ADGRG4: variants seen among roughly 807,000 people sequenced by gnomAD.
ADGRG4 encodes adhesion G protein-coupled receptor G4.
ADGRG4 carries 122 observed loss-of-function variants against 126.2 expected under a neutral mutation model. The observed-to-expected ratio is 0.97, with a 90% CI of 0.83 to 1.12. The LOEUF is 1.12. Ranked by LOEUF, ADGRG4 falls within the 50% of genes most tolerant of loss-of-function variation. The pLI, the probability that ADGRG4 is intolerant of heterozygous loss-of-function variation, is 0.00. For missense variants in ADGRG4, 2,481 were observed against 2,251.8 expected (o/e 1.10, Z -2.06); for synonymous variants, 943 against 838.7 (o/e 1.12, Z -2.15).
intron 10 of ADGRG4, among the ~76,000 whole-genome samples, chrX:136,359,024 C>A (rs186189347): frequency 8.9e-6 from 1 of 112,526 alleles, no homozygotes; most frequent in Non-Finnish European, 1.9e-5. Flanking sequence ...AATCTCAAGG[C>A]TAGCAATTTC....
intron 5 of ADGRG4, among the ~76,000 whole-genome samples, chrX:136,324,705 A>G (rs990176476): frequency 1.8e-5 from 2 of 111,860 alleles, no homozygotes; most frequent in African/African-American, 3.2e-5. Context: ...GAGTTTTTCA[A>G]TCTGGCTCTT....
rs770127643 is a variant in ADGRG4 at position 136,346,654 on chromosome X, C to G, written c.2948C>G (p.Thr983Arg). 11 of 1,210,717 alleles carry G rather than the reference C, an allele frequency of 9.1e-6. No homozygotes were observed. The highest frequency in any genetic ancestry group is 1.2e-5 in the Non-Finnish European group (11 of 894,727). The part of the protein sequence containing the change: ...ISETSFSTTP[T>R]DRTATSLSDG... Reference sequence around the variant, plus strand: ...GAAACCAGTTTCTCCACTACCCCTACAGACAGGACAGCTACGTCCTTGTCT... The same window carrying G: ...GAAACCAGTTTCTCCACTACCCCTAGAGACAGGACAGCTACGTCCTTGTCT... The change falls in exon 6 of 26, where the codon ACA becomes AGA. Residue 983 changes from threonine (T) to arginine (R), a missense_variant. Transcript: ENST00000394143.
At chrX:136,343,605 A>C (rs1183344938) in intron 5 of ADGRG4, among the ~76,000 whole-genome samples, 3 of 111,451 alleles carry the variant, frequency 2.7e-5, no homozygotes, top group Admixed American at 1.9e-4. Flanking sequence ...GTGTAATGGA[A>C]AGCAATGAAA....
intron 15 of ADGRG4, among the ~76,000 whole-genome samples, chrX:136,374,298 T>C (rs1232578907): frequency 9.0e-6 from 1 of 111,511 alleles, no homozygotes; most frequent in Non-Finnish European, 1.9e-5. Context: ...TTGTTTCCAG[T>C]TTGGCTATTA....
chrX:136,376,965 CT>C (rs770347135), intron 15 of ADGRG4, among the ~76,000 whole-genome samples: 26 of 110,464 alleles, frequency 2.4e-4, no homozygotes, highest in Non-Finnish European at 4.5e-4. Flanking sequence ...ATTGCTATGA[CT>C]AGGACTTCCA....
chrX:136,361,566 A>G lies in ADGRG4; in HGVS notation c.7256A>G (p.Asp2419Gly). The G allele has an allele frequency of 8.5e-7, 1 of 1,181,754 alleles. No individual in the cohort carries two copies. The highest frequency in any genetic ancestry group is 2.4e-4 in the Middle Eastern group (1 of 4,216). Residue 2419 changes from aspartate (D) to glycine (G), a missense_variant, in exon 12 of 26, where the codon GAT becomes GGT. Physicochemically the swap from Asp to Gly is moderately conservative, Grantham distance 94. Transcript: ENST00000394143. Reference protein sequence around the residue: ...TAQTRCIKNEDGNATRFCSIS... With the variant: ...TAQTRCIKNEGGNATRFCSIS... Reference sequence around the variant, plus strand: ...CAAACCAGATGCATAAAAAATGAGGATGGAAATGCCACAAGATTCTGGTAT... The same window carrying G: ...CAAACCAGATGCATAAAAAATGAGGGTGGAAATGCCACAAGATTCTGGTAT...
chrX:136,383,816 T>C (rs913210239), intron 15 of ADGRG4, among the ~76,000 whole-genome samples: 1 of 44,585 alleles, frequency 2.2e-5, no homozygotes, highest in Admixed American at 3.4e-4. Flanking sequence ...ATATTTGCCT[T>C]TCTTTCTTTC....
intron 4 of ADGRG4, among the ~76,000 whole-genome samples, chrX:136,309,344 A>T (rs1352287331): frequency 1.8e-5 from 2 of 111,926 alleles, no homozygotes; most frequent in African/African-American, 6.5e-5. Context: ...AAGCACCCAG[A>T]CCTTCCCTAG....
chrX:136,301,003 T>G lies in ADGRG4; in HGVS notation c.-254+3T>G, dbSNP rs2074695699. On this transcript the variant is annotated splice_donor_region_variant and intron_variant, in intron 1 of 25. Coordinates refer to ENST00000394143, the MANE Select transcript of ADGRG4 (RefSeq NM_153834.4). ...GTCTATCACTGATGGACATTTGGGTTGGTTCCAAGTCTTTGCTATTGTGAA... is the reference window on the plus strand; with the variant it reads ...GTCTATCACTGATGGACATTTGGGTGGGTTCCAAGTCTTTGCTATTGTGAA... 1 of 112,400 alleles carries G rather than the reference T, an allele frequency of 8.9e-6. No individual in the cohort carries two copies. Among genetic ancestry groups the G allele is most frequent in the Non-Finnish European group, 1.9e-5 (1 of 53,307 alleles). 9.3% of individuals were successfully genotyped at this position (112,400 alleles called of 1,213,427 possible).
chrX:136,345,530 C>T lies in ADGRG4; in HGVS notation c.1824C>T (p.Tyr608=), dbSNP rs142010518. ...CCTCCACAATCACAGGACGAGTTTA[C>T]ACCCAGAATACACCTACAGCTGATG... ...MLSSTITGRV[Y]TQNTPTADGH... The change falls in exon 6 of 26, where the codon TAC becomes TAT. Residue 608 remains tyrosine (Y), a synonymous_variant. Coordinates refer to ENST00000394143, the MANE Select transcript of ADGRG4 (RefSeq NM_153834.4). 2 of 1,209,932 alleles carry T rather than the reference C, an allele frequency of 1.7e-6. No homozygotes were observed. Among genetic ancestry groups the T allele is most frequent in the African/African-American group, 3.5e-5 (2 of 57,681 alleles).
Position 136,322,783 on chromosome X carries a change from C to G in ADGRG4, c.76C>G (p.Leu26Val). Residue 26 changes from leucine to valine, a missense_variant, in exon 5 of 26, where the codon CTT becomes GTT. Leu to Val is a conservative substitution (Grantham distance 32). Transcript: ENST00000394143. ...CCTCCCCCAAATTTGGACAGATACA[C>G]TTTCACTAAAAGGAAAAAAGCTGGA... is the stretch of plus-strand genomic sequence containing the variant. The part of the protein sequence containing the change: ...MSSFIFLSDT[L>V]SLKGKKLDFF... The G allele has an allele frequency of 8.5e-7, 1 of 1,180,341 alleles. No homozygotes were observed. The highest frequency in any genetic ancestry group is 1.1e-6 in the Non-Finnish European group (1 of 880,023).
At chrX:136,386,774 T>C (rs2075294324) in intron 15 of ADGRG4, among the ~76,000 whole-genome samples, 1 of 112,288 alleles carries the variant, frequency 8.9e-6, no homozygotes, top group African/African-American at 3.2e-5. Context: ...AGTGTAATTA[T>C]TAACAAAGCC....
In ADGRG4 at chrX:136,395,446, T is replaced by C; in HGVS notation, c.8137T>C (p.Tyr2713His). Reference sequence around the variant, plus strand: ...TAAAGTAAAGGAAACAAATGTAAATTACACAATCTGTCAGTGTGACCACCT... The same window carrying C: ...TAAAGTAAAGGAAACAAATGTAAATCACACAATCTGTCAGTGTGACCACCT... ...GCKVKETNVN[Y>H]TICQCDHLTH... The change falls in exon 19 of 26, where the codon TAC becomes CAC. Residue 2713 changes from tyrosine to histidine, a missense_variant. Physicochemically the swap from Tyr to His is moderately conservative, Grantham distance 83. Transcript: ENST00000394143. The C allele has an allele frequency of 8.3e-7, 1 of 1,203,668 alleles. No homozygotes were observed. The highest frequency in any genetic ancestry group is 1.8e-5 in the South Asian group (1 of 56,540).
intron 4 of ADGRG4, among the ~76,000 whole-genome samples, chrX:136,309,499 T>C (rs2074754447): frequency 8.9e-6 from 1 of 112,564 alleles, no homozygotes; most frequent in Non-Finnish European, 1.9e-5. Flanking sequence ...ATTCAGTTTG[T>C]AGCATTGCTT....
chrX:136,380,604 C>CTCTTCTTCTTCTTCTTCT (rs1219064272), intron 15 of ADGRG4, among the ~76,000 whole-genome samples: 32 of 55,344 alleles, frequency 5.8e-4, no homozygotes, highest in African/African-American at 9.9e-4. Context: ...CCTCCTCCTC[C>CTCTTCTTCTTCTTCTTCT]TCTTCTTCTT....
intron 15 of ADGRG4, among the ~76,000 whole-genome samples, chrX:136,380,396 C>T (rs1327954741): frequency 9.0e-6 from 1 of 110,662 alleles, no homozygotes; most frequent in Non-Finnish European, 1.9e-5. Flanking sequence ...TTTTAAACAA[C>T]CTTTGGCCTT....
At position 136,330,241 on chromosome X, in the gene ADGRG4, C is replaced by T. The variant is rs746966915; in HGVS notation, c.685+6849C>T. ...CCCTCATGTTGACCTTTTATAACCA[C>T]ACCAACTTCCTTCCCACCCTTTCCC... On this transcript the variant is annotated intron_variant, in intron 5 of 25. Transcript: ENST00000394143. Among the ~76,000 whole-genome samples, 6 of 111,350 alleles carry T rather than the reference C, an allele frequency of 5.4e-5. No homozygotes were observed. In the South Asian group the frequency reaches 2.3e-3, roughly 42 times the overall value.
rs186380014 is a variant in ADGRG4, at chrX:136,371,936, T to C, written c.7613+392T>C. On this transcript the variant is annotated intron_variant, in intron 14 of 25. Coordinates refer to ENST00000394143, the MANE Select transcript of ADGRG4 (RefSeq NM_153834.4). ...TACGAACGGACGACTGTATATATTATCAATTTCTTGGCATATAGACATCAT... is the reference window on the plus strand; with the variant it reads ...TACGAACGGACGACTGTATATATTACCAATTTCTTGGCATATAGACATCAT... Among the ~76,000 whole-genome samples the C allele has an allele frequency of 9.9e-4, 111 of 111,865 alleles. 1 individual carries two copies. Among genetic ancestry groups the C allele is most frequent in the Non-Finnish European group, 4.5e-4 (24 of 53,120 alleles).
At chrX:136,334,392 A>G (rs2074936844) in intron 5 of ADGRG4, among the ~76,000 whole-genome samples, 1 of 111,534 alleles carries the variant, frequency 9.0e-6, no homozygotes, top group African/African-American at 3.3e-5. Flanking sequence ...AGATTCCTCT[A>G]ACCTTATTCT....
Sources: allele counts gnomAD v4.1 joint callset (sites outside exome capture counted in the v4.1 genomes callset), GRCh38; gene constraint gnomAD v4.1.1; transcripts MANE v1.5; gene names NCBI Gene and HGNC (gene_info 2026-07-23, HGNC 2026-07-21).